ADCY8: variants seen among roughly 807,000 people sequenced by gnomAD.
ADCY8 encodes adenylate cyclase type 8.
Under a neutral mutation model 119.7 loss-of-function variants are expected in ADCY8, and 51 were observed. The ratio of observed to expected loss-of-function variants is 0.43; its 90% CI spans 0.34 to 0.54. The LOEUF (loss-of-function observed/expected upper bound fraction) is 0.54. Among genes scored for constraint, ADCY8 ranks in the 20% least tolerant of loss-of-function variants. The pLI, the probability that ADCY8 is intolerant of heterozygous loss-of-function variation, is 0.03. For missense variants in ADCY8, 1,383 were observed against 1,598.8 expected, an observed-to-expected ratio of 0.87 and a Z score of 2.30; for synonymous variants, 665 against 651.0, an observed-to-expected ratio of 1.02 and a Z score of -0.33.
At chr8:130,878,513 G>C (rs1262682936) in intron 8 of ADCY8, among the ~76,000 whole-genome samples, 1 of 152,166 alleles carries the variant, frequency 6.6e-6, no homozygotes, top group Non-Finnish European at 1.5e-5. Context: ...GATCTCTGAA[G>C]ATGTGGGGCA....
At chr8:131,007,596 T>C (rs566441355) in intron 1 of ADCY8, among the ~76,000 whole-genome samples, 232 of 152,362 alleles carry the variant, frequency 1.5e-3, no homozygotes, top group African/African-American at 5.4e-3. Flanking sequence ...ATACAGTAGA[T>C]GCCCAGTAAA....
intron 7 of ADCY8, 131 bp downstream of exon 7, chr8:130,903,641 T>A: frequency 9.5e-7 from 1 of 1,054,044 alleles, no homozygotes; most frequent in Non-Finnish European, 1.4e-6. Context: ...AGAGATAGTT[T>A]GATCATTTGC....
chr8:130,898,836 G>A (rs577484172), intron 7 of ADCY8, among the ~76,000 whole-genome samples: 14 of 152,190 alleles, frequency 9.2e-5, no homozygotes, highest in Non-Finnish European at 1.5e-4. Flanking sequence ...AGTCTAAGAC[G>A]GATCTTTTTT....
intron 12 of ADCY8, among the ~76,000 whole-genome samples, chr8:130,826,336 A>G (rs1816667389): frequency 6.6e-6 from 1 of 152,174 alleles, no homozygotes; most frequent in South Asian, 2.1e-4. Flanking sequence ...AGTCTTTACA[A>G]TTCTGGTTAT....
intron 9 of ADCY8, among the ~76,000 whole-genome samples, chr8:130,860,610 A>G (rs976208287): frequency 1.3e-5 from 2 of 152,126 alleles, no homozygotes; most frequent in Non-Finnish European, 2.9e-5. Flanking sequence ...TTGCATATGG[A>G]TACCCAATTT....
chr8:130,861,481 C>T (rs7006754), intron 9 of ADCY8, among the ~76,000 whole-genome samples: 15,133 of 152,080 alleles, frequency 0.1, 820 homozygotes, highest in African/African-American at 0.13. Context: ...CAAATTTCAA[C>T]GTTAGATGGC....
At position 130,814,052 on chromosome 8, in the gene ADCY8, A is replaced by C. The variant is rs749014451; in HGVS notation, c.2913+17T>G. ...ACCACCACCCTTTCTCACTGGCTAG[A>C]CCAGCCCCTGGCTCACCTCATTGTC... On this transcript the variant is annotated intron_variant, in intron 14 of 17. Transcript: ENST00000286355. 2.9e-5 allele frequency: 46 copies of C among 1,613,722 alleles called. No homozygotes were observed. The highest frequency in any genetic ancestry group is 3.6e-5 in the Non-Finnish European group (43 of 1,179,944).
chr8:130,849,761 C>A lies in ADCY8; in HGVS notation c.2253G>T (p.Leu751=). 1 of 1,613,606 alleles carries A rather than the reference C, an allele frequency of 6.2e-7. No homozygotes were observed. The highest frequency in any genetic ancestry group is 1.7e-5 in the Admixed American group (1 of 59,996). The change falls in exon 10 of 18, where the codon CTG becomes CTT. Residue 751 remains leucine, a synonymous_variant. Coordinates refer to ENST00000286355, the MANE Select transcript of ADCY8 (RefSeq NM_001115.3). Reference sequence around the variant, plus strand: ...TGGTGATGAGGACCAGAGCCGAGTGCAGCATAATCAGAATGGAGAACTGGA... The same window carrying A: ...TGGTGATGAGGACCAGAGCCGAGTGAAGCATAATCAGAATGGAGAACTGGA... ...MTIQFSILIM[L]HSALVLITTA...
intron 1 of ADCY8, among the ~76,000 whole-genome samples, chr8:131,003,687 A>G (rs1193928266): frequency 1.3e-5 from 2 of 152,188 alleles, no homozygotes; most frequent in Non-Finnish European, 2.9e-5. Context: ...GTTAAATAAT[A>G]GAGCTAGTAA....
At chr8:130,826,756 G>A (rs573726254) in intron 12 of ADCY8, among the ~76,000 whole-genome samples, 20 of 151,720 alleles carry the variant, frequency 1.3e-4, no homozygotes, top group Admixed American at 9.9e-4. Context: ...CATGAATAAA[G>A]CGGTGGGTAT....
chr8:130,988,376 C>T (rs1822469268), intron 2 of ADCY8, among the ~76,000 whole-genome samples: 1 of 152,214 alleles, frequency 6.6e-6, no homozygotes, highest in Non-Finnish European at 1.5e-5. Flanking sequence ...GAAGCCTACA[C>T]AGTATTTTAC....
At position 130,796,618 on chromosome 8, in the gene ADCY8, C is replaced by CA. The variant is rs767469764; in HGVS notation, c.3060+3807dup. ...TTGACCAAAACAAAACAAAACAAAA[C>CA]AAAAAAGGCAGGTCTGAGTGACCCA... On this transcript the variant is annotated intron_variant, in intron 15 of 17. Coordinates refer to ENST00000286355, the MANE Select transcript of ADCY8 (RefSeq NM_001115.3). Among the ~76,000 whole-genome samples the CA allele has an allele frequency of 4.6e-4, 70 of 152,136 alleles. No homozygotes were observed. In the Middle Eastern group the frequency reaches 0.01, roughly 22 times the overall value.
At chr8:130,882,233 C>T (rs1200596142) in intron 8 of ADCY8, among the ~76,000 whole-genome samples, 1 of 150,912 alleles carries the variant, frequency 6.6e-6, no homozygotes, top group African/African-American at 2.4e-5. Context: ...TCTAAGATCT[C>T]CACTTAACCT....
chr8:130,868,116 C>T (rs557709633), intron 8 of ADCY8, among the ~76,000 whole-genome samples, 170 bp from the exon 9 acceptor site: 1 of 152,252 alleles, frequency 6.6e-6, no homozygotes, highest in Admixed American at 6.5e-5. Context: ...TGCCAACTTT[C>T]CAGTGAGAGC....
chr8:130,964,070 C>A (rs1821688455), intron 2 of ADCY8, among the ~76,000 whole-genome samples: 1 of 152,162 alleles, frequency 6.6e-6, no homozygotes, highest in Non-Finnish European at 1.5e-5. Context: ...GTGACACTAC[C>A]TCCATGAAGT....
intron 1 of ADCY8, among the ~76,000 whole-genome samples, chr8:131,016,730 G>A (rs1823486372): frequency 6.6e-6 from 1 of 152,098 alleles, no homozygotes. Context: ...AGACAGGGAT[G>A]AAGAAGGTGT....
intron 2 of ADCY8, among the ~76,000 whole-genome samples, 159 bp downstream of exon 2, chr8:130,990,234 G>A (rs1465115036): frequency 6.6e-6 from 1 of 152,210 alleles, no homozygotes; most frequent in African/African-American, 2.4e-5. Flanking sequence ...ATTTTGACCT[G>A]TAAGTCTAAC....
intron 5 of ADCY8, among the ~76,000 whole-genome samples, chr8:130,924,716 T>C (rs1452134039): frequency 6.6e-6 from 1 of 152,180 alleles, no homozygotes. Context: ...AGGACAAACC[T>C]GTCTAGCTAT....
rs545990481 is a variant in ADCY8 at position 130,839,861 on chromosome 8, G to A, written c.2503-3412C>T. On this transcript the variant is annotated intron_variant, in intron 11 of 17. Coordinates refer to ENST00000286355, the MANE Select transcript of ADCY8 (RefSeq NM_001115.3). ...ATTCTGCAGTCCGTAAGGAACCACG[G>A]ATGAGTTTCTTGCTTGTAATGGATT... 5.0e-4 allele frequency among the ~76,000 whole-genome samples: 70 copies of A among 140,260 alleles called. 12 individuals carry two copies. Among genetic ancestry groups the A allele is most frequent in the Admixed American group, 4.8e-3 (66 of 13,776 alleles). The allele number at this position is 140,260 out of a possible 152,430, so 92.0% of individuals were successfully genotyped here. A position where few individuals can be genotyped will look rare whatever the true frequency, so the allele number is the denominator to read the frequency against.
Sources: gnomAD v4.1 joint callset for allele counts (sites outside exome capture counted in the v4.1 genomes callset) on GRCh38, gnomAD v4.1.1 for gene constraint, MANE v1.5 for transcripts, NCBI Gene and HGNC (gene_info 2026-07-23, HGNC 2026-07-21) for gene names.